Variants in FRYL observed in about 807,000 individuals in gnomAD.
The protein encoded by FRYL is FRY like transcription coactivator.
A neutral mutation model predicts 351.2 loss-of-function variants in FRYL; 150 were observed. That is an observed-to-expected ratio of 0.43 (90% confidence interval 0.37 to 0.49). The LOEUF (loss-of-function observed/expected upper bound fraction) is 0.49. Ranked by LOEUF, FRYL falls within the 20% of genes least tolerant of loss-of-function variation. The pLI, the probability that FRYL is intolerant of heterozygous loss-of-function variation, is 0.00. For missense variants in FRYL, 3,036 were observed against 3,619.3 expected (o/e 0.84, Z 4.13); for synonymous variants, 1,153 against 1,257.1 (o/e 0.92, Z 1.75).
chr4:48,715,356 T>C (rs979725618), intron 1 of FRYL, among the ~76,000 whole-genome samples: 25 of 152,148 alleles, frequency 1.6e-4, no homozygotes, highest in Admixed American at 6.5e-5. Context: ...GATGACACGA[T>C]TGTATATCTA....
At position 48,557,124 on chromosome 4, in the gene FRYL, T is replaced by C. The variant is rs769868187; in HGVS notation, c.4126-6A>G. 2 of 1,575,722 alleles carry C rather than the reference T, an allele frequency of 1.3e-6. No individual in the cohort carries two copies. The highest frequency in any genetic ancestry group is 2.3e-5 in the South Asian group (2 of 85,468). On this transcript the variant is annotated splice_polypyrimidine_tract_variant and splice_region_variant and intron_variant, in intron 34 of 63. Coordinates refer to ENST00000358350, the MANE Select transcript of FRYL (RefSeq NM_015030.2). ...CAGGCCAGTTCATCGCCATACTAGA[T>C]GCAATATGCACAAAAGATACTTCAG...
At chr4:48,677,906 G>C (rs1283409943) in intron 3 of FRYL, among the ~76,000 whole-genome samples, 1 of 152,006 alleles carries the variant, frequency 6.6e-6, no homozygotes, top group Non-Finnish European at 1.5e-5. Context: ...CACCCCTTAG[G>C]TGAACTGTAC....
At chr4:48,526,813 T>C (rs768814043) in intron 53 of FRYL, among the ~76,000 whole-genome samples, 3 of 152,140 alleles carry the variant, frequency 2.0e-5, no homozygotes, top group Non-Finnish European at 4.4e-5. Context: ...TATAATGTAA[T>C]CCAGACTAAA....
At chr4:48,651,401 G>A (rs2149432826) in intron 3 of FRYL, among the ~76,000 whole-genome samples, 1 of 149,924 alleles carries the variant, frequency 6.7e-6, no homozygotes. Context: ...CAAACTCCTG[G>A]GCTCAAGTGA....
chr4:48,591,266 A>G (rs1027792720), intron 16 of FRYL, among the ~76,000 whole-genome samples: 1 of 152,172 alleles, frequency 6.6e-6, no homozygotes, highest in Non-Finnish European at 1.5e-5. Flanking sequence ...TGGTATAGTG[A>G]GGGAGTGACA....
At chr4:48,637,552 A>T (rs1206775443) in intron 3 of FRYL, 1 of 149,662 alleles carries the variant, frequency 6.7e-6, no homozygotes, top group Admixed American at 6.7e-5. Context: ...TGTTAATATA[A>T]TTCTAAAGAT....
intron 25 of FRYL, among the ~76,000 whole-genome samples, chr4:48,573,779 G>C (rs542125464): frequency 1.3e-5 from 2 of 152,070 alleles, no homozygotes; most frequent in Non-Finnish European, 2.9e-5. Context: ...TCAAACTCCC[G>C]ACCTCAGGCG....
chr4:48,574,252 G>T (rs1229241485), intron 25 of FRYL, among the ~76,000 whole-genome samples: 1 of 152,086 alleles, frequency 6.6e-6, no homozygotes, highest in Non-Finnish European at 1.5e-5. Context: ...ACCTTTAAAA[G>T]TGTCTCTGAA....
At chr4:48,602,387 C>A (rs140288835) in intron 12 of FRYL, among the ~76,000 whole-genome samples, 1 of 152,240 alleles carries the variant, frequency 6.6e-6, no homozygotes, top group African/African-American at 2.4e-5. Context: ...AGCCTCTCAT[C>A]CATTTTGTGG....
chr4:48,741,697 AAAT>A lies in FRYL; in HGVS notation c.-383-31002_-383-31000del, dbSNP rs527490966. Among the ~76,000 whole-genome samples, 10 of 151,502 alleles carry A rather than the reference AAAT, an allele frequency of 6.6e-5. No homozygotes were observed. In the East Asian group the frequency reaches 7.7e-4, roughly 12 times the overall value. On this transcript the variant is annotated intron_variant, in intron 1 of 63. Transcript: ENST00000358350. ...GGCGACAGAGCAAGACCCTCTCTCA[AAAT>A]AATAATAATAATAATAATAGTAATA...
At chr4:48,771,074 T>C (rs547419274) in intron 1 of FRYL, among the ~76,000 whole-genome samples, 1 of 152,316 alleles carries the variant, frequency 6.6e-6, no homozygotes, top group South Asian at 2.1e-4. Flanking sequence ...ATCTATAAAA[T>C]GCAGAAATTC....
intron 1 of FRYL, among the ~76,000 whole-genome samples, chr4:48,742,964 G>A (rs1261083918): frequency 2.4e-5 from 2 of 82,614 alleles, no homozygotes; most frequent in Non-Finnish European, 5.8e-5. Context: ...GCGCCACCAC[G>A]CCTGGATAAT....
intron 3 of FRYL, among the ~76,000 whole-genome samples, chr4:48,664,043 G>A (rs1350722690): frequency 1.3e-5 from 2 of 152,126 alleles, no homozygotes; most frequent in African/African-American, 4.8e-5. Context: ...GTATTCTTCT[G>A]AAGAATGAAT....
At chr4:48,669,319 G>A (rs1762264990) in intron 3 of FRYL, among the ~76,000 whole-genome samples, 2 of 152,132 alleles carry the variant, frequency 1.3e-5, no homozygotes, top group African/African-American at 4.8e-5. Flanking sequence ...GCTGAGTTCT[G>A]GGAGCCCTAC....
chr4:48,719,874 G>A (rs1007505295), intron 1 of FRYL, among the ~76,000 whole-genome samples: 9 of 151,504 alleles, frequency 5.9e-5, no homozygotes, highest in African/African-American at 9.7e-5. Context: ...ACTAAAGGCC[G>A]GGTGTGGTGG....
chr4:48,533,194 T>C (rs1728076682), intron 49 of FRYL, among the ~76,000 whole-genome samples: 1 of 152,168 alleles, frequency 6.6e-6, no homozygotes, highest in African/African-American at 2.4e-5. Flanking sequence ...ATAAGAAATG[T>C]ACCTATGGTT....
rs1718684852 is a variant in FRYL, at chr4:48,497,401, A to ATTTGCTTTTTGT, written c.*2020_*2021insACAAAAAGCAAA. On this transcript the variant is annotated 3_prime_UTR_variant, in exon 64 of 64. Coordinates refer to ENST00000358350, the MANE Select transcript of FRYL (RefSeq NM_015030.2). ...TCATTTTTATTATATTAATAGACTT[A>ATTTGCTTTTTGT]GTTACATATAAATAAACACAAAAAG... 6.6e-6 allele frequency: 1 copy of ATTTGCTTTTTGT among 152,526 alleles called. No individual in the cohort carries two copies. The highest frequency in any genetic ancestry group is 2.4e-5 in the African/African-American group (1 of 41,458). 9.4% of individuals were successfully genotyped at this position (152,526 alleles called of 1,614,324 possible).
At chr4:48,601,666 G>C (rs1745725169) in intron 13 of FRYL, among the ~76,000 whole-genome samples, 1 of 152,044 alleles carries the variant, frequency 6.6e-6, no homozygotes, top group Non-Finnish European at 1.5e-5. Flanking sequence ...CAACATTACT[G>C]ATTTTCTCAA....
chr4:48,682,025 TG>T (rs1764680767), intron 3 of FRYL, among the ~76,000 whole-genome samples: 3 of 152,118 alleles, frequency 2.0e-5, no homozygotes, highest in Non-Finnish European at 2.9e-5. Flanking sequence ...TGCCCTCTTG[TG>T]GGGTTGTTAA....
Sources: allele counts gnomAD v4.1 joint callset (sites outside exome capture counted in the v4.1 genomes callset), GRCh38; gene constraint gnomAD v4.1.1; transcripts MANE v1.5; gene names NCBI Gene and HGNC (gene_info 2026-07-23, HGNC 2026-07-21).